The following EPB41L5 variants were observed in gnomAD, a reference collection of about 807,000 sequenced individuals.
The protein encoded by EPB41L5 is band 4.1-like protein 5.
A neutral mutation model predicts 106.6 loss-of-function variants in EPB41L5; 55 were observed. The observed-to-expected ratio is 0.52, with a 90% CI of 0.42 to 0.65. The LOEUF (loss-of-function observed/expected upper bound fraction) is 0.65, where lower values mean the gene tolerates loss of function less well. EPB41L5 is among the 30% of genes least tolerant of loss of function. The pLI, the probability that EPB41L5 is intolerant of heterozygous loss-of-function variation, is 0.00. For synonymous variants in EPB41L5, 297 were observed against 306.7 expected, an observed-to-expected ratio of 0.97 and a Z score of 0.33; for missense variants, 871 against 882.1, an observed-to-expected ratio of 0.99 and a Z score of 0.16.
intron 3 of EPB41L5, among the ~76,000 whole-genome samples, chr2:120,049,532 C>T (rs1159639053): frequency 2.0e-5 from 3 of 152,030 alleles, no homozygotes; most frequent in African/African-American, 7.3e-5. Flanking sequence ...CTTCCTCCAT[C>T]CCTTTATTTT....
chr2:120,127,963 T>G, intron 17 of EPB41L5, 112 bp downstream of exon 17: 1 of 1,002,702 alleles, frequency 1.0e-6, no homozygotes. Context: ...ACTTTTAAAT[T>G]TAATTCAGAA....
intron 16 of EPB41L5, chr2:120,106,303 G>A: frequency 1.0e-6 from 1 of 985,272 alleles, no homozygotes; most frequent in Non-Finnish European, 1.2e-6. Context: ...AATTAAACTT[G>A]TCTATTTTAT....
rs758577464 is a variant in EPB41L5, at chr2:120,178,398, G to T, written c.*3491G>T. 6.6e-6 allele frequency: 1 copy of T among 151,726 alleles called. No homozygotes were observed. Among genetic ancestry groups the T allele is most frequent in the Non-Finnish European group, 1.5e-5 (1 of 67,964 alleles). The allele number at this position is 151,726 out of a possible 1,614,324, so 9.4% of individuals were successfully genotyped here. On this transcript the variant is annotated 3_prime_UTR_variant, in exon 25 of 25. Coordinates refer to ENST00000263713, the MANE Select transcript of EPB41L5 (RefSeq NM_020909.4). ...GTCTTTGTGAGCTCCCACTGTTGTG[G>T]GTGTCTCAGCTCTGAGGGTCTTTGT...
intron 3 of EPB41L5, among the ~76,000 whole-genome samples, chr2:120,045,380 A>T (rs1016862333): frequency 9.2e-5 from 14 of 152,200 alleles, no homozygotes; most frequent in African/African-American, 3.1e-4. Context: ...AAACAATCTC[A>T]TGTTTATAGA....
In EPB41L5 at chr2:120,077,022, A is replaced by C; in HGVS notation, c.557A>C (p.Glu186Ala). Reference sequence around the variant, plus strand: ...GAGCATAGTCCTGAACTTGTCTCAGAGTTCAGATTCGTGCCTATTCAGACT... The same window carrying C: ...GAGCATAGTCCTGAACTTGTCTCAGCGTTCAGATTCGTGCCTATTCAGACT... ...LAEHSPELVS[E>A]FRFVPIQTEE... The change falls in exon 8 of 25, where the codon GAG (glutamate) becomes GCG (alanine). Residue 186 changes from glutamate (E) to alanine (A), a missense_variant. Transcript: ENST00000263713. 6.2e-7 allele frequency: 1 copy of C among 1,613,052 alleles called. No individual in the cohort carries two copies.
chr2:120,032,478 G>A (rs1678779822), intron 2 of EPB41L5, among the ~76,000 whole-genome samples: 1 of 152,184 alleles, frequency 6.6e-6, no homozygotes, highest in South Asian at 2.1e-4. Flanking sequence ...CCTGGAGTTT[G>A]CACATTGATC....
At chr2:120,088,868 A>C (rs1275375131) in intron 11 of EPB41L5, among the ~76,000 whole-genome samples, 1 of 152,136 alleles carries the variant, frequency 6.6e-6, no homozygotes, top group Non-Finnish European at 1.5e-5. Context: ...ATATGTGGAT[A>C]TCTTCTTTAT....
At chr2:120,078,612 C>T in intron 10 of EPB41L5, 31 bp downstream of exon 10, 1 of 1,484,104 alleles carries the variant, frequency 6.7e-7, no homozygotes, top group African/African-American at 1.4e-5. Flanking sequence ...AAGATACTTA[C>T]TGTTGTTTTG....
At position 120,043,038 on chromosome 2, in the gene EPB41L5, T is replaced by C. The variant is rs993122363; in HGVS notation, c.285+928T>C. Among the ~76,000 whole-genome samples, 10 of 149,192 alleles carry C rather than the reference T, an allele frequency of 6.7e-5. No individual in the cohort carries two copies. In the East Asian group the frequency reaches 9.8e-4, roughly 15 times the overall value. Reference sequence around the variant, plus strand: ...GTGTGTGTGTGTGTGTGTGTGTGTGTGTGTGTGTGTTTAGAGGGGAACTCC... The same window carrying C: ...GTGTGTGTGTGTGTGTGTGTGTGTGCGTGTGTGTGTTTAGAGGGGAACTCC... On this transcript the variant is annotated intron_variant, in intron 3 of 24. Transcript: ENST00000263713.
At chr2:120,098,829 C>T (rs1359128004) in intron 14 of EPB41L5, among the ~76,000 whole-genome samples, 4 of 152,194 alleles carry the variant, frequency 2.6e-5, no homozygotes, top group East Asian at 1.9e-4. Flanking sequence ...TATCAGGTAG[C>T]GGTTTTTTGC....
At position 120,138,712 on chromosome 2, in the gene EPB41L5, G is replaced by C. The variant is rs1307353242; in HGVS notation, c.1600-4291G>C. On this transcript the variant is annotated intron_variant, in intron 18 of 24. Transcript: ENST00000263713. ...ACACAAAATTTGAAAGATATTCCAT[G>C]TTCATGGATTAGAAGACTCAGTATT... 4.6e-5 allele frequency among the ~76,000 whole-genome samples: 7 copies of C among 151,964 alleles called. 1 individual carries two copies.
chr2:120,068,090 C>T (rs984931903), intron 3 of EPB41L5, among the ~76,000 whole-genome samples: 1 of 152,148 alleles, frequency 6.6e-6, no homozygotes, highest in Admixed American at 6.5e-5. Flanking sequence ...CAGCTCATCT[C>T]ATTGGGGCTG....
At chr2:120,174,443 C>T (rs901450016) in intron 24 of EPB41L5, among the ~76,000 whole-genome samples, 13 of 148,238 alleles carry the variant, frequency 8.8e-5, no homozygotes, top group East Asian at 2.0e-4. Context: ...CCAGCCTGGG[C>T]GACAGAGCAA....
chr2:120,041,894 A>G, intron 2 of EPB41L5, 112 bp from the exon 3 acceptor site: 1 of 641,302 alleles, frequency 1.6e-6, no homozygotes, highest in Non-Finnish European at 2.6e-6. Flanking sequence ...TACTTTTGGT[A>G]TTGCAAGTCC....
In EPB41L5 at chr2:120,160,902, T is replaced by C; in HGVS notation, c.1815T>C (p.Asn605=). 4 of 1,613,404 alleles carry C rather than the reference T, an allele frequency of 2.5e-6. No homozygotes were observed. Among genetic ancestry groups the C allele is most frequent in the South Asian group, 2.2e-5 (2 of 91,064 alleles). The change falls in exon 21 of 25, where the codon AAT becomes AAC. Residue 605 remains asparagine (N), a synonymous_variant. Coordinates refer to ENST00000263713, the MANE Select transcript of EPB41L5 (RefSeq NM_020909.4). The part of the protein sequence containing the change: ...ATNSAVLNEN[N]VPLPKESLET... ...CTAGTGCTGTGTTAAATGAGAATAA[T>C]GTGCCCCTCCCCAAAGAGTCTCTTG...
At chr2:120,026,135 A>G (rs1413567278) in intron 2 of EPB41L5, among the ~76,000 whole-genome samples, 1 of 152,234 alleles carries the variant, frequency 6.6e-6, no homozygotes, top group African/African-American at 2.4e-5. Flanking sequence ...ATAAAGACCT[A>G]AAAGTATGAG....
chr2:120,140,561 C>G (rs997024368), intron 18 of EPB41L5, among the ~76,000 whole-genome samples: 3 of 152,002 alleles, frequency 2.0e-5, no homozygotes, highest in Non-Finnish European at 2.9e-5. Flanking sequence ...GCCCCCCGAT[C>G]TGAAAATTTA....
intron 16 of EPB41L5, among the ~76,000 whole-genome samples, chr2:120,117,993 T>TA (rs1685028158): frequency 6.6e-6 from 1 of 152,242 alleles, no homozygotes; most frequent in Non-Finnish European, 1.5e-5. Flanking sequence ...CTTTTAGTAT[T>TA]TTTCTGTGCG....
At chr2:120,144,671 A>G (rs1037568966) in intron 19 of EPB41L5, among the ~76,000 whole-genome samples, 3 of 152,206 alleles carry the variant, frequency 2.0e-5, no homozygotes, top group Non-Finnish European at 2.9e-5. Flanking sequence ...ACACTTCCCA[A>G]TTCATCTTAT....
Sources: allele counts gnomAD v4.1 joint callset (sites outside exome capture counted in the v4.1 genomes callset), GRCh38; gene constraint gnomAD v4.1.1; transcripts MANE v1.5; gene names NCBI Gene and HGNC (gene_info 2026-07-23, HGNC 2026-07-21).